ZNF341: variants seen among roughly 807,000 people sequenced by gnomAD.
ZNF341 encodes the protein zinc finger protein 341.
ZNF341 carries 52 observed loss-of-function variants against 87.7 expected under a neutral mutation model. That is an observed-to-expected ratio of 0.59 (90% CI 0.47 to 0.75). The LOEUF (loss-of-function observed/expected upper bound fraction) is 0.75, where lower values mean the gene tolerates loss of function less well. ZNF341 is among the 30% of genes least tolerant of loss of function. The pLI is 0.00. For missense variants in ZNF341, 977 were observed against 1,145.9 expected, an observed-to-expected ratio of 0.85 and a Z score of 2.13; for synonymous variants, 459 against 472.7, an observed-to-expected ratio of 0.97 and a Z score of 0.38.
At chr20:33,746,721 G>C (rs1164301077) in intron 3 of ZNF341, among the ~76,000 whole-genome samples, 1 of 152,202 alleles carries the variant, frequency 6.6e-6, no homozygotes, top group Non-Finnish European at 1.5e-5. Context: ...CGGGTAGCTT[G>C]ACCAGCATGT....
intron 1 of ZNF341, among the ~76,000 whole-genome samples, chr20:33,739,264 G>C (rs1482272294): frequency 6.6e-6 from 1 of 152,194 alleles, no homozygotes; most frequent in Non-Finnish European, 1.5e-5. Context: ...CACCATGCCC[G>C]GCCAGAGATA....
intron 13 of ZNF341, 134 bp from the exon 14 acceptor site, chr20:33,789,384 C>G: frequency 1.1e-6 from 1 of 871,418 alleles, no homozygotes; most frequent in Non-Finnish European, 1.9e-6. Context: ...CTGCCTGCCT[C>G]ACTTCCCACC....
At position 33,766,946 on chromosome 20, in the gene ZNF341, C is replaced by T; in HGVS notation, c.1318C>T (p.Leu440Phe). The T allele has an allele frequency of 6.2e-7, 1 of 1,614,180 alleles. No individual in the cohort carries two copies. Among genetic ancestry groups the T allele is most frequent in the Non-Finnish European group, 8.5e-7 (1 of 1,180,032 alleles). Residue 440 changes from leucine to phenylalanine, a missense_variant, in exon 9 of 15, where the codon CTC (leucine) becomes TTC (phenylalanine). Physicochemically the swap from Leu to Phe is conservative, Grantham distance 22. Coordinates refer to ENST00000375200, the MANE Select transcript of ZNF341 (RefSeq NM_001282933.2). ...GDKPESKQVV[L>F]IDSSYLCQFC... The stretch of plus-strand genomic sequence containing the variant: ...CAAGCCGGAGTCCAAGCAGGTGGTC[C>T]TCATCGACAGCTCCTACCTGTGCCA...
chr20:33,785,780 G>A (rs1220360879), intron 12 of ZNF341, among the ~76,000 whole-genome samples: 1 of 152,016 alleles, frequency 6.6e-6, no homozygotes, highest in African/African-American at 2.4e-5. Context: ...TATATAAAAC[G>A]CTTGCTTACG....
Position 33,769,913 on chromosome 20 carries a change from A to AAATG in ZNF341, c.1414-155_1414-152dup, listed in dbSNP as rs529007942. On this transcript the variant is annotated intron_variant, in intron 9 of 14. Transcript: ENST00000375200. ...GCGATAGAGTGCGACTCAGTCTCAA[A>AAATG]AATGAATGAATGAATGAATAAAAAC... Among the ~76,000 whole-genome samples, 15 of 152,212 alleles carry AAATG rather than the reference A, an allele frequency of 9.9e-5. No homozygotes were observed. In the East Asian group the frequency reaches 2.1e-3, roughly 22 times the overall value.
At chr20:33,741,261 C>T (rs2018795599) in intron 2 of ZNF341, among the ~76,000 whole-genome samples, 1 of 152,176 alleles carries the variant, frequency 6.6e-6, no homozygotes, top group Admixed American at 6.5e-5. Context: ...CAGGGAATGG[C>T]TAAGGGCCCC....
intron 5 of ZNF341, among the ~76,000 whole-genome samples, chr20:33,755,857 G>A (rs1291369725): frequency 6.6e-6 from 1 of 152,008 alleles, no homozygotes; most frequent in East Asian, 2.0e-4. Context: ...GCCTGCCAAA[G>A]TGCTGGAATT....
intron 7 of ZNF341, 144 bp from the exon 8 acceptor site, chr20:33,761,718 C>T (rs764378135): frequency 3.6e-4 from 229 of 642,072 alleles, no homozygotes; most frequent in Non-Finnish European, 3.8e-4. Flanking sequence ...CCTGCCTCAG[C>T]GAAGGGGCTT....
intron 6 of ZNF341, among the ~76,000 whole-genome samples, 160 bp downstream of exon 6, chr20:33,757,503 C>T (rs1297576444): frequency 6.6e-6 from 1 of 152,140 alleles, no homozygotes; most frequent in East Asian, 1.9e-4. Flanking sequence ...TGTTTCTCTC[C>T]TGTGTAAGTC....
rs2122698714 is a variant in ZNF341 at position 33,767,138 on chromosome 20, A to T, written c.1413+97A>T. On this transcript the variant is annotated intron_variant, in intron 9 of 14. Transcript: ENST00000375200. The stretch of plus-strand genomic sequence containing the variant: ...TGCTGCCTAGAAAGGGGTAGGAACC[A>T]GTGAGTCAGACCTTCCACGGCTCTA... 3 of 1,394,470 alleles carry T rather than the reference A, an allele frequency of 2.2e-6. No individual in the cohort carries two copies. In the East Asian group the frequency reaches 6.9e-5, roughly 32 times the overall value. 86.4% of individuals were successfully genotyped at this position (1,394,470 alleles called of 1,614,324 possible).
In ZNF341 at chr20:33,749,133, G is replaced by T. The variant is rs2019003773; in HGVS notation, c.489+61G>T. 6 of 1,556,496 alleles carry T rather than the reference G, an allele frequency of 3.9e-6. No homozygotes were observed. The Admixed American group carries it at 1.1e-4, about 28-fold the overall frequency. On this transcript the variant is annotated intron_variant, in intron 4 of 14. Coordinates refer to ENST00000375200, the MANE Select transcript of ZNF341 (RefSeq NM_001282933.2). The stretch of plus-strand genomic sequence containing the variant: ...CCAGACCTGTACATTAACTCCTGCA[G>T]ATTCAGAATCTTGTAGAATAAAGGG...
chr20:33,774,271 G>A (rs1374445493), intron 10 of ZNF341, among the ~76,000 whole-genome samples: 1 of 152,124 alleles, frequency 6.6e-6, no homozygotes, highest in Non-Finnish European at 1.5e-5. Context: ...CATCCAGCCT[G>A]GGTGACAGAG....
At chr20:33,756,819 A>G (rs894282567) in intron 5 of ZNF341, among the ~76,000 whole-genome samples, 2 of 152,230 alleles carry the variant, frequency 1.3e-5, no homozygotes, top group African/African-American at 4.8e-5. Context: ...TAACCGCATG[A>G]GAGGGGTACT....
At chr20:33,755,532 A>G (rs1403590776) in intron 5 of ZNF341, among the ~76,000 whole-genome samples, 1 of 134,462 alleles carries the variant, frequency 7.4e-6, no homozygotes, top group Non-Finnish European at 1.6e-5. Flanking sequence ...GTAGCTTTCT[A>G]TTTATTTATA....
intron 10 of ZNF341, among the ~76,000 whole-genome samples, chr20:33,772,901 G>A (rs1441532368): frequency 6.6e-6 from 1 of 152,190 alleles, no homozygotes; most frequent in Non-Finnish European, 1.5e-5. Flanking sequence ...TGGGAAATGG[G>A]GCAAGAGAGG....
At chr20:33,747,632 A>AC (rs2018958724) in intron 3 of ZNF341, among the ~76,000 whole-genome samples, 1 of 132,602 alleles carries the variant, frequency 7.5e-6, no homozygotes, top group South Asian at 2.2e-4. Context: ...AAAAAAAAAA[A>AC]AAAAAAAAAA....
At position 33,753,154 on chromosome 20, in the gene ZNF341, T is replaced by C; in HGVS notation, c.490-18T>C. On this transcript the variant is annotated intron_variant, in intron 4 of 14. Coordinates refer to ENST00000375200, the MANE Select transcript of ZNF341 (RefSeq NM_001282933.2). ...CTGGTATCAAGAGGCTATAACACTT[T>C]TTCTTTTCTGATTTCAGAGCAGCCT... is the stretch of plus-strand genomic sequence containing the variant. 1 of 1,611,966 alleles carries C rather than the reference T, an allele frequency of 6.2e-7. No individual in the cohort carries two copies. Among genetic ancestry groups the C allele is most frequent in the African/African-American group, 1.3e-5 (1 of 74,974 alleles).
Position 33,740,909 on chromosome 20 carries a change from C to T in ZNF341, c.39C>T (p.Asp13=). 1 of 1,614,050 alleles carries T rather than the reference C, an allele frequency of 6.2e-7. No individual in the cohort carries two copies. The highest frequency in any genetic ancestry group is 8.5e-7 in the Non-Finnish European group (1 of 1,179,950). The change falls in exon 2 of 15, where the codon GAC becomes GAT. Residue 13 remains aspartate (D), a synonymous_variant. Transcript: ENST00000375200. ...QAIFEALEGM[D]NQTVLAVQSL... Reference sequence around the variant, plus strand: ...CTGCACTTCTTTTTTCAGGAATGGACAATCAGACCGTTCTGGCTGTCCAGT... The same window carrying T: ...CTGCACTTCTTTTTTCAGGAATGGATAATCAGACCGTTCTGGCTGTCCAGT...
chr20:33,791,591 G>C lies in ZNF341; in HGVS notation c.*74G>C. 7.0e-7 allele frequency: 1 copy of C among 1,429,294 alleles called. No homozygotes were observed. The highest frequency in any genetic ancestry group is 9.2e-7 in the Non-Finnish European group (1 of 1,086,576). 88.5% of individuals were successfully genotyped at this position (1,429,294 alleles called of 1,614,324 possible). On this transcript the variant is annotated 3_prime_UTR_variant, in exon 15 of 15. Coordinates refer to ENST00000375200, the MANE Select transcript of ZNF341 (RefSeq NM_001282933.2). ...GTCCAGGGCCCCTGGGGGCAGACCGGTGATCCTTACCAGTGGAAGCGAGCC... is the reference window on the plus strand; with the variant it reads ...GTCCAGGGCCCCTGGGGGCAGACCGCTGATCCTTACCAGTGGAAGCGAGCC...
Sources: gnomAD v4.1 joint callset for allele counts (sites outside exome capture counted in the v4.1 genomes callset) on GRCh38, gnomAD v4.1.1 for gene constraint, MANE v1.5 for transcripts, NCBI Gene and HGNC (gene_info 2026-07-23, HGNC 2026-07-21) for gene names.